Variants in ZFPM2 observed in about 807,000 individuals in gnomAD.
The protein encoded by ZFPM2 is zinc finger protein, FOG family member 2.
Under a neutral mutation model 98.6 loss-of-function variants are expected in ZFPM2, and 20 were observed. The observed-to-expected ratio is 0.20, with a 90% CI of 0.14 to 0.29. ZFPM2 has a LOEUF of 0.29. Ranked by LOEUF, ZFPM2 falls within the 10% of genes least tolerant of loss-of-function variation. ZFPM2 has a pLI of 1.00. For synonymous variants in ZFPM2, 518 were observed against 502.7 expected, an observed-to-expected ratio of 1.03 and a Z score of -0.41; for missense variants, 1,310 against 1,388.6, an observed-to-expected ratio of 0.94 and a Z score of 0.90.
chr8:105,552,410 G>A (rs1247278565), intron 3 of ZFPM2, among the ~76,000 whole-genome samples: 4 of 152,144 alleles, frequency 2.6e-5, no homozygotes, highest in Non-Finnish European at 5.9e-5. Context: ...GTAGTATCAG[G>A]TCAGCTGTGA....
At chr8:105,404,113 A>C (rs1259307708) in intron 1 of ZFPM2, among the ~76,000 whole-genome samples, 2 of 152,106 alleles carry the variant, frequency 1.3e-5, no homozygotes, top group African/African-American at 4.8e-5. Context: ...AGTTTAAAGG[A>C]GATATCAAAA....
At chr8:105,439,279 C>A (rs749750113) in intron 2 of ZFPM2, among the ~76,000 whole-genome samples, 1 of 152,112 alleles carries the variant, frequency 6.6e-6, no homozygotes, top group African/African-American at 2.4e-5. Context: ...AGTGTGGCCT[C>A]ATGGTTGTTT....
chr8:105,714,283 C>G (rs1459956997), intron 5 of ZFPM2, among the ~76,000 whole-genome samples: 3 of 151,968 alleles, frequency 2.0e-5, no homozygotes, highest in Admixed American at 2.0e-4. Context: ...CATTGGCTTA[C>G]AGAAATGCTA....
At chr8:105,521,703 G>A (rs763115392) in intron 3 of ZFPM2, among the ~76,000 whole-genome samples, 8 of 151,904 alleles carry the variant, frequency 5.3e-5, no homozygotes, top group Non-Finnish European at 7.4e-5. Context: ...TCAGCCTCCC[G>A]ACTAGCTGGG....
chr8:105,524,707 C>G (rs140725277), intron 3 of ZFPM2, among the ~76,000 whole-genome samples: 1 of 152,204 alleles, frequency 6.6e-6, no homozygotes, highest in African/African-American at 2.4e-5. Context: ...CGTATGCTTC[C>G]TCTGTACTTC....
rs1811954885 is a variant in ZFPM2, at chr8:105,318,738, C to T, written c.-204C>T. 1 of 154,252 alleles carries T rather than the reference C, an allele frequency of 6.5e-6. No individual in the cohort carries two copies. The highest frequency in any genetic ancestry group is 1.4e-5 in the Non-Finnish European group (1 of 69,882). The allele number at this position is 154,252 out of a possible 1,614,324, so 9.6% of individuals were successfully genotyped here. A position where few individuals can be genotyped will look rare whatever the true frequency, so the allele number is the denominator to read the frequency against. ...TGTCACACTCTCTGTGCCCCCGTCT[C>T]TCTTCTCTCATTTGCTTGCTCATCT... On this transcript the variant is annotated 5_prime_UTR_variant, in exon 1 of 8. Transcript: ENST00000407775.
chr8:105,324,265 A>T (rs1201905144), intron 1 of ZFPM2, among the ~76,000 whole-genome samples: 1 of 151,818 alleles, frequency 6.6e-6, no homozygotes, highest in Non-Finnish European at 1.5e-5. Context: ...TCAATTGTCT[A>T]GCCTGTATCT....
At chr8:105,796,170 G>GTATC (rs1266249645) in intron 6 of ZFPM2, among the ~76,000 whole-genome samples, 2 of 152,068 alleles carry the variant, frequency 1.3e-5, no homozygotes, top group Non-Finnish European at 2.9e-5. Flanking sequence ...TTTCTTTCCT[G>GTATC]TATCTTTACT....
At chr8:105,669,536 A>ATT (rs72404384) in intron 5 of ZFPM2, among the ~76,000 whole-genome samples, 68 of 139,148 alleles carry the variant, frequency 4.9e-4, no homozygotes, top group African/African-American at 1.5e-3. Flanking sequence ...GAAAGTGTGC[A>ATT]TGTGTGTGTG....
chr8:105,343,920 A>G (rs1389083623), intron 1 of ZFPM2, among the ~76,000 whole-genome samples: 3 of 152,140 alleles, frequency 2.0e-5, no homozygotes, highest in Non-Finnish European at 2.9e-5. Context: ...GAGACTGGGT[A>G]ATTTATAAAG....
chr8:105,787,809 A>G (rs1299001137), intron 5 of ZFPM2, among the ~76,000 whole-genome samples: 1 of 152,230 alleles, frequency 6.6e-6, no homozygotes, highest in Non-Finnish European at 1.5e-5. Flanking sequence ...ATACATATCT[A>G]GGCCTGAGAG....
chr8:105,526,989 A>G (rs963742416), intron 3 of ZFPM2, among the ~76,000 whole-genome samples: 1 of 152,108 alleles, frequency 6.6e-6, no homozygotes, highest in African/African-American at 2.4e-5. Flanking sequence ...TCACCTTCCC[A>G]GTAGTAATAG....
At chr8:105,793,554 A>G (rs970377095) in intron 6 of ZFPM2, among the ~76,000 whole-genome samples, 14 of 152,054 alleles carry the variant, frequency 9.2e-5, no homozygotes, top group Admixed American at 7.9e-4. Flanking sequence ...GAATCTGATA[A>G]TTATGTGTCT....
At chr8:105,686,177 G>A (rs1321992432) in intron 5 of ZFPM2, among the ~76,000 whole-genome samples, 2 of 151,846 alleles carry the variant, frequency 1.3e-5, no homozygotes, top group African/African-American at 2.4e-5. Context: ...AGTAGGTAGG[G>A]GCAACTGTAA....
At chr8:105,794,672 C>A (rs1420731452) in intron 6 of ZFPM2, among the ~76,000 whole-genome samples, 1 of 152,244 alleles carries the variant, frequency 6.6e-6, no homozygotes, top group Non-Finnish European at 1.5e-5. Flanking sequence ...TGTCTGTGCC[C>A]TGCCCCCAGA....
chr8:105,738,285 TC>T (rs1812130356), intron 5 of ZFPM2, among the ~76,000 whole-genome samples: 1 of 152,062 alleles, frequency 6.6e-6, no homozygotes, highest in African/African-American at 2.4e-5. Context: ...GGTTTTCTGT[TC>T]CTGTGTTAGT....
chr8:105,789,419 C>A (rs924414854), intron 6 of ZFPM2, among the ~76,000 whole-genome samples: 7 of 152,112 alleles, frequency 4.6e-5, no homozygotes, highest in Non-Finnish European at 5.9e-5. Flanking sequence ...TGAACTCATC[C>A]TTTTTTATGG....
intron 2 of ZFPM2, among the ~76,000 whole-genome samples, chr8:105,431,006 C>T (rs188889168): frequency 1.9e-4 from 28 of 151,190 alleles, no homozygotes; most frequent in African/African-American, 5.1e-4. Flanking sequence ...CGAGTTCAAG[C>T]GATTCTCCTG....
At chr8:105,686,358 G>T (rs1464977040) in intron 5 of ZFPM2, among the ~76,000 whole-genome samples, 1 of 151,848 alleles carries the variant, frequency 6.6e-6, no homozygotes, top group Non-Finnish European at 1.5e-5. Flanking sequence ...CATTTTCTCT[G>T]AGACTAATGC....
Sources: allele counts gnomAD v4.1 joint callset (sites outside exome capture counted in the v4.1 genomes callset), GRCh38; gene constraint gnomAD v4.1.1; transcripts MANE v1.5; gene names NCBI Gene and HGNC (gene_info 2026-07-23, HGNC 2026-07-21).